The following SLC4A4 variants were observed in gnomAD, a reference collection of about 807,000 sequenced individuals.
SLC4A4 encodes electrogenic sodium bicarbonate cotransporter 1.
A neutral mutation model predicts 111.5 loss-of-function variants in SLC4A4; 27 were observed. That is an observed-to-expected ratio of 0.24 (90% CI 0.18 to 0.33). The LOEUF is 0.33. SLC4A4 is among the 10% of genes least tolerant of loss of function. SLC4A4 has a pLI of 1.00. For missense variants in SLC4A4, 909 were observed against 1,315.5 expected (o/e 0.69, Z 4.78); for synonymous variants, 443 against 463.4 (o/e 0.96, Z 0.57).
chr4:71,168,864 C>T (rs1220490761), intron 2 of SLC4A4, among the ~76,000 whole-genome samples: 1 of 152,124 alleles, frequency 6.6e-6, no homozygotes, highest in Non-Finnish European at 1.5e-5. Context: ...TTGATGGGCA[C>T]TTAGGTTGCT....
intron 6 of SLC4A4, among the ~76,000 whole-genome samples, chr4:71,384,824 A>G (rs924695196): frequency 2.6e-5 from 4 of 151,632 alleles, no homozygotes; most frequent in African/African-American, 9.7e-5. Context: ...GGGTCTTTTG[A>G]CTTCTTACCT....
At chr4:71,297,877 C>T (rs144585496) in intron 3 of SLC4A4, among the ~76,000 whole-genome samples, 400 of 152,194 alleles carry the variant, frequency 2.6e-3, no homozygotes, top group Middle Eastern at 0.01. Context: ...CTTGAGCCAC[C>T]GTGCCCAGCC....
intron 2 of SLC4A4, among the ~76,000 whole-genome samples, chr4:71,253,747 C>T (rs1005487097): frequency 1.3e-5 from 2 of 152,176 alleles, no homozygotes; most frequent in Non-Finnish European, 2.9e-5. Flanking sequence ...GATAGATACA[C>T]TTCTCACTGG....
chr4:71,415,546 C>A (rs925202792), intron 7 of SLC4A4, among the ~76,000 whole-genome samples: 1 of 152,056 alleles, frequency 6.6e-6, no homozygotes, highest in Admixed American at 6.5e-5. Flanking sequence ...TTAACTGTTG[C>A]GTAGGTTAAA....
chr4:71,395,091 T>C (rs1719687362), intron 6 of SLC4A4, among the ~76,000 whole-genome samples: 1 of 152,086 alleles, frequency 6.6e-6, no homozygotes, highest in South Asian at 2.1e-4. Context: ...AAATAAAGAA[T>C]TGCTCTGGTG....
At position 71,503,241 on chromosome 4, in the gene SLC4A4, C is replaced by CT. The variant is rs201455805; in HGVS notation, c.2166+5562dup. 2.3e-3 allele frequency among the ~76,000 whole-genome samples: 308 copies of CT among 136,684 alleles called. 1 individual carries two copies. Among genetic ancestry groups the CT allele is most frequent in the African/African-American group, 4.0e-3 (149 of 37,582 alleles). The allele number at this position is 136,684 out of a possible 152,430, so 89.7% of individuals were successfully genotyped here. A position where few individuals can be genotyped will look rare whatever the true frequency, so the allele number is the denominator to read the frequency against. ...TCTAGTAGGCAAACTATAGTTTGGTCTTTTTTTTTTTTTGTCCATTCATTC... is the reference window on the plus strand; with the variant it reads ...TCTAGTAGGCAAACTATAGTTTGGTCTTTTTTTTTTTTTTGTCCATTCATTC... On this transcript the variant is annotated intron_variant, in intron 16 of 25. Transcript: ENST00000264485.
At chr4:71,338,975 C>T (rs181994482) in intron 3 of SLC4A4, 5 of 1,087,802 alleles carry the variant, frequency 4.6e-6, no homozygotes, top group Non-Finnish European at 6.2e-6. Flanking sequence ...CTTTGTTGTC[C>T]CTCCCACTGC....
chr4:71,314,048 A>G (rs1290285726), intron 3 of SLC4A4, among the ~76,000 whole-genome samples: 1 of 152,198 alleles, frequency 6.6e-6, no homozygotes, highest in Non-Finnish European at 1.5e-5. Flanking sequence ...TCCAGAATCT[A>G]CAAGGAACTT....
rs749796830 is a variant in SLC4A4 at position 71,534,388 on chromosome 4, G to C, written c.2442G>C (p.Lys814Asn). The C allele has an allele frequency of 6.2e-7, 1 of 1,613,094 alleles. No individual in the cohort carries two copies. Among genetic ancestry groups the C allele is most frequent in the Non-Finnish European group, 8.5e-7 (1 of 1,179,370 alleles). ...TAAACAGGAAAGAACATAAACTCAA[G>C]GTAAGTGTCCATAATAATGTCTGTC... ...VIVNRKEHKL[K>N]KGAGYHLDLF... is the part of the protein sequence containing the mutation. Residue 814 changes from lysine (K) to asparagine (N), a missense_variant and splice_region_variant, in exon 18 of 26, where the codon AAG (lysine) becomes AAC (asparagine). Lys to Asn is a moderately conservative substitution (Grantham distance 94). Transcript: ENST00000264485.
rs1309057080 is a variant in SLC4A4 at position 71,550,231 on chromosome 4, T to G, written c.2694+2511T>G. Among the ~76,000 whole-genome samples, 3 of 151,954 alleles carry G rather than the reference T, an allele frequency of 2.0e-5. No individual in the cohort carries two copies. In the East Asian group the frequency reaches 5.8e-4, roughly 29 times the overall value. On this transcript the variant is annotated intron_variant, in intron 20 of 25. Transcript: ENST00000264485. Reference sequence around the variant, plus strand: ...AACCTATATTTAAAAACAACAAGAATAAAACAGTCAAGGATTCGCAGTTGT... The same window carrying G: ...AACCTATATTTAAAAACAACAAGAAGAAAACAGTCAAGGATTCGCAGTTGT...
chr4:71,347,810 C>A (rs60263130), intron 4 of SLC4A4, among the ~76,000 whole-genome samples: 3,010 of 152,200 alleles, frequency 0.02, 104 homozygotes, highest in African/African-American at 0.069. Flanking sequence ...CTCCCCTTTA[C>A]AGGGCTTCTA....
At chr4:71,412,098 T>C (rs1721410726) in intron 7 of SLC4A4, among the ~76,000 whole-genome samples, 1 of 152,196 alleles carries the variant, frequency 6.6e-6, no homozygotes, top group Non-Finnish European at 1.5e-5. Context: ...AGTAATATAA[T>C]TAAGATGGAG....
chr4:71,329,473 T>C (rs1560414236), intron 3 of SLC4A4, among the ~76,000 whole-genome samples: 1 of 152,114 alleles, frequency 6.6e-6, no homozygotes, highest in Non-Finnish European at 1.5e-5. Flanking sequence ...CTTTCCATTT[T>C]GTTATGTCTT....
chr4:71,264,110 T>C (rs1578706392), intron 3 of SLC4A4, among the ~76,000 whole-genome samples: 1 of 152,124 alleles, frequency 6.6e-6, no homozygotes, highest in African/African-American at 2.4e-5. Context: ...TATATGTGTA[T>C]CTGGGATAGA....
chr4:71,376,689 G>C (rs1732434936), intron 6 of SLC4A4, among the ~76,000 whole-genome samples: 1 of 151,510 alleles, frequency 6.6e-6, no homozygotes, highest in Non-Finnish European at 1.5e-5. Context: ...CCAGGCTGGA[G>C]TGCAGTGGTG....
At chr4:71,424,584 A>G (rs1722914224) in intron 7 of SLC4A4, among the ~76,000 whole-genome samples, 1 of 152,124 alleles carries the variant, frequency 6.6e-6, no homozygotes, top group African/African-American at 2.4e-5. Flanking sequence ...AAGACTTGGA[A>G]CCAACCCAAA....
intron 14 of SLC4A4, among the ~76,000 whole-genome samples, chr4:71,478,726 A>G (rs566333077): frequency 6.6e-6 from 1 of 151,788 alleles, no homozygotes; most frequent in Non-Finnish European, 1.5e-5. Context: ...CATTCTGCAC[A>G]TGTATCCCAG....
chr4:71,207,108 A>C (rs1197210853), intron 1 of SLC4A4, among the ~76,000 whole-genome samples: 1 of 152,176 alleles, frequency 6.6e-6, no homozygotes, highest in East Asian at 1.9e-4. Flanking sequence ...CACCTGTCTC[A>C]ACTGAATAAT....
Position 71,455,713 on chromosome 4 carries a change from C to G in SLC4A4, c.1497+2044C>G, listed in dbSNP as rs539393593. On this transcript the variant is annotated intron_variant, in intron 12 of 25. Coordinates refer to ENST00000264485, the MANE Select transcript of SLC4A4 (RefSeq NM_001098484.3). Reference sequence around the variant, plus strand: ...ATGGACATTCTCATTGAGATGGGGACATTGCAATATTGCCTATGTGTATTA... The same window carrying G: ...ATGGACATTCTCATTGAGATGGGGAGATTGCAATATTGCCTATGTGTATTA... Among the ~76,000 whole-genome samples the G allele has an allele frequency of 5.3e-5, 8 of 152,230 alleles. No individual in the cohort carries two copies. In the East Asian group the frequency reaches 1.5e-3, roughly 29 times the overall value.
Sources: allele counts gnomAD v4.1 joint callset (sites outside exome capture counted in the v4.1 genomes callset), GRCh38; gene constraint gnomAD v4.1.1; transcripts MANE v1.5; gene names NCBI Gene and HGNC (gene_info 2026-07-23, HGNC 2026-07-21).